Variants in AHCYL2 observed in about 807,000 individuals in gnomAD.
AHCYL2 encodes the protein S-adenosylhomocysteine hydrolase-like protein 2.
AHCYL2 carries 28 observed loss-of-function variants against 81.4 expected under a neutral mutation model. That is an observed-to-expected ratio of 0.34 (90% CI 0.25 to 0.47). AHCYL2 has a LOEUF of 0.47. Among genes scored for constraint, AHCYL2 ranks in the 20% least tolerant of loss-of-function variants. The probability of loss-of-function intolerance (pLI) is 1.00; values close to 1 mark genes in which losing one functional copy is unlikely to be tolerated. For synonymous variants in AHCYL2, 272 were observed against 290.2 expected (o/e 0.94, Z 0.64); for missense variants, 551 against 785.1 (o/e 0.70, Z 3.56).
At position 129,322,242 on chromosome 7, in the gene AHCYL2, C is replaced by T. The variant is rs112151299; in HGVS notation, c.364-57396C>T. On this transcript the variant is annotated intron_variant, in intron 1 of 16. Transcript: ENST00000325006. ...GCAACCTCTTCCTCCTGGGTTCAAGCGATTCTCCTGTCTCAGCCTCCTGAG... is the reference window on the plus strand; with the variant it reads ...GCAACCTCTTCCTCCTGGGTTCAAGTGATTCTCCTGTCTCAGCCTCCTGAG... 1.2e-3 allele frequency among the ~76,000 whole-genome samples: 184 copies of T among 152,138 alleles called. 1 individual carries two copies. The highest frequency in any genetic ancestry group is 4.2e-3 in the African/African-American group (176 of 41,530).
chr7:129,310,292 G>C lies in AHCYL2; in HGVS notation c.364-69346G>C, dbSNP rs80173130. Among the ~76,000 whole-genome samples, 222 of 152,154 alleles carry C rather than the reference G, an allele frequency of 1.5e-3. 3 individuals are homozygous for C. The East Asian group carries it at 0.015, about 11-fold the overall frequency. On this transcript the variant is annotated intron_variant, in intron 1 of 16. Coordinates refer to ENST00000325006, the MANE Select transcript of AHCYL2 (RefSeq NM_015328.4). ...TCATTTCATTTTCTGTTTGGTAATA[G>C]AGCATTTATGGTCACCTTTTCTCTG...
intron 5 of AHCYL2, among the ~76,000 whole-genome samples, chr7:129,399,161 A>AAAAG (rs1343267073): frequency 6.8e-6 from 1 of 147,224 alleles, no homozygotes; most frequent in Non-Finnish European, 1.5e-5. Flanking sequence ...AAAAAAAAAA[A>AAAAG]AAAGAGGCCA....
chr7:129,375,696 T>C (rs1425450668), intron 1 of AHCYL2: 4 of 1,438,448 alleles, frequency 2.8e-6, no homozygotes, highest in African/African-American at 1.4e-5. Flanking sequence ...GCTGTACTGC[T>C]GAAGGGGTTG....
chr7:129,265,988 A>G (rs1192196335), intron 1 of AHCYL2, among the ~76,000 whole-genome samples: 1 of 152,220 alleles, frequency 6.6e-6, no homozygotes, highest in East Asian at 1.9e-4. Flanking sequence ...ATGACTTCAA[A>G]GTCTTTGTCC....
intron 1 of AHCYL2, among the ~76,000 whole-genome samples, chr7:129,324,606 C>T (rs1798153319): frequency 6.6e-6 from 1 of 152,198 alleles, no homozygotes; most frequent in Admixed American, 6.5e-5. Flanking sequence ...AGCTCTGCCT[C>T]CCGGGTTCAC....
intron 1 of AHCYL2, among the ~76,000 whole-genome samples, chr7:129,273,004 G>C (rs1796072360): frequency 6.6e-6 from 1 of 151,868 alleles, no homozygotes; most frequent in Non-Finnish European, 1.5e-5. Context: ...GGGATCAAGT[G>C]ATTCTCCTGC....
At chr7:129,269,583 GT>G (rs1795935017) in intron 1 of AHCYL2, among the ~76,000 whole-genome samples, 2 of 54 alleles carry the variant, frequency 0.037, no homozygotes. Context: ...CACTGTGCCG[GT>G]TTTGTTTTGT....
chr7:129,292,968 C>T (rs1796920956), intron 1 of AHCYL2, among the ~76,000 whole-genome samples: 1 of 151,998 alleles, frequency 6.6e-6, no homozygotes, highest in Non-Finnish European at 1.5e-5. Flanking sequence ...ATATTGCTTA[C>T]CCACTTTTAA....
At chr7:129,306,491 TTTC>T (rs1797447963) in intron 1 of AHCYL2, among the ~76,000 whole-genome samples, 1 of 152,230 alleles carries the variant, frequency 6.6e-6, no homozygotes, top group African/African-American at 2.4e-5. Context: ...TTCTGAATTC[TTTC>T]TTATGTCATC....
At chr7:129,367,432 T>C (rs1794163350) in intron 1 of AHCYL2, among the ~76,000 whole-genome samples, 1 of 152,290 alleles carries the variant, frequency 6.6e-6, no homozygotes, top group African/African-American at 2.4e-5. Flanking sequence ...TTTCTAGTTA[T>C]GTCTTATTTC....
chr7:129,246,460 C>A (rs978574875), intron 1 of AHCYL2, among the ~76,000 whole-genome samples: 1 of 152,190 alleles, frequency 6.6e-6, no homozygotes, highest in Non-Finnish European at 1.5e-5. Flanking sequence ...CCTGATCCCA[C>A]CCTCTGCCCC....
chr7:129,320,341 T>G lies in AHCYL2; in HGVS notation c.364-59297T>G, dbSNP rs559398140. Among the ~76,000 whole-genome samples, 5 of 152,282 alleles carry G rather than the reference T, an allele frequency of 3.3e-5. No homozygotes were observed. The East Asian group carries it at 7.7e-4, about 23-fold the overall frequency. On this transcript the variant is annotated intron_variant, in intron 1 of 16. Coordinates refer to ENST00000325006, the MANE Select transcript of AHCYL2 (RefSeq NM_015328.4). ...TCACTGTTTGTTTGTTTGTTTGAGA[T>G]AGAGTCTTCTTCTGTCACCTAGGCT... is the stretch of plus-strand genomic sequence containing the variant.
At position 129,348,169 on chromosome 7, in the gene AHCYL2, TAAAC is replaced by T. The variant is rs755230048; in HGVS notation, c.364-31465_364-31462del. 3.5e-4 allele frequency among the ~76,000 whole-genome samples: 53 copies of T among 152,320 alleles called. 1 individual carries two copies. The highest frequency in any genetic ancestry group is 5.1e-4 in the African/African-American group (21 of 41,570). On this transcript the variant is annotated intron_variant, in intron 1 of 16. Coordinates refer to ENST00000325006, the MANE Select transcript of AHCYL2 (RefSeq NM_015328.4). The stretch of plus-strand genomic sequence containing the variant: ...TCACTACAGCATTGTATCATGGTGA[TAAAC>T]AAATAGCACAAGGTAGGAGCAATCT...
intron 1 of AHCYL2, among the ~76,000 whole-genome samples, chr7:129,321,220 A>G (rs1798001381): frequency 6.6e-6 from 1 of 152,234 alleles, no homozygotes; most frequent in Non-Finnish European, 1.5e-5. Context: ...TTAAATAAAA[A>G]TACACAGAAG....
intron 1 of AHCYL2, among the ~76,000 whole-genome samples, chr7:129,353,136 T>C (rs1020090754): frequency 6.6e-6 from 1 of 151,992 alleles, no homozygotes; most frequent in Admixed American, 6.6e-5. Context: ...TTAGTAGAGA[T>C]GGGGTTTCAC....
chr7:129,347,482 A>G (rs1329785696), intron 1 of AHCYL2, among the ~76,000 whole-genome samples: 1 of 152,214 alleles, frequency 6.6e-6, no homozygotes, highest in Non-Finnish European at 1.5e-5. Flanking sequence ...CAGCTGTGAT[A>G]TGAAACTGCA....
chr7:129,329,660 G>A (rs893820618), intron 1 of AHCYL2, among the ~76,000 whole-genome samples: 2 of 152,260 alleles, frequency 1.3e-5, no homozygotes, highest in Admixed American at 1.3e-4. Flanking sequence ...TTGCTAGGCT[G>A]AGTAGCCTTT....
chr7:129,279,262 G>C (rs1163903517), intron 1 of AHCYL2, among the ~76,000 whole-genome samples: 1 of 142,972 alleles, frequency 7.0e-6, no homozygotes, highest in Non-Finnish European at 1.5e-5. Flanking sequence ...TTTTTTTCCT[G>C]CCTCAGCCTC....
At chr7:129,278,647 G>A (rs1467095510) in intron 1 of AHCYL2, among the ~76,000 whole-genome samples, 6 of 151,936 alleles carry the variant, frequency 3.9e-5, no homozygotes, top group African/African-American at 1.4e-4. Flanking sequence ...CCCAAGATTA[G>A]AAGAGCTTTC....
Sources: gnomAD v4.1 joint callset for allele counts (sites outside exome capture counted in the v4.1 genomes callset) on GRCh38, gnomAD v4.1.1 for gene constraint, MANE v1.5 for transcripts, NCBI Gene and HGNC (gene_info 2026-07-23, HGNC 2026-07-21) for gene names.